Variants in NFATC4 observed in about 807,000 individuals in gnomAD.
NFATC4 encodes the protein nuclear factor of activated T cells 4.
In NFATC4, 25 loss-of-function variants were observed where a neutral mutation model predicts 73.4. The ratio of observed to expected loss-of-function variants is 0.34; its 90% CI spans 0.25 to 0.48. The LOEUF (loss-of-function observed/expected upper bound fraction) is 0.48. Among genes scored for constraint, NFATC4 ranks in the 20% least tolerant of loss-of-function variants. NFATC4 has a pLI of 0.99. For synonymous variants in NFATC4, 523 were observed against 510.3 expected (o/e 1.02, Z -0.34); for missense variants, 1,130 against 1,203.7 (o/e 0.94, Z 0.91).
chr14:24,373,701 C>T lies in NFATC4; in HGVS notation c.1566C>T (p.Asp522=). 6.2e-7 allele frequency: 1 copy of T among 1,606,822 alleles called. No individual in the cohort carries two copies. The highest frequency in any genetic ancestry group is 1.3e-5 in the African/African-American group (1 of 75,004). ...LPENNMAANI[D]CAGILKLRNS... Reference sequence around the variant, plus strand: ...ATCCATCCTTTGCCTCCAGCATTGACTGCGCGGGAATCCTGAAGCTTCGGA... The same window carrying T: ...ATCCATCCTTTGCCTCCAGCATTGATTGCGCGGGAATCCTGAAGCTTCGGA... Residue 522 remains aspartate (D), a synonymous_variant, in exon 5 of 10, where the codon GAC becomes GAT. Coordinates refer to ENST00000250373, the MANE Select transcript of NFATC4 (RefSeq NM_004554.5). This position sits in a 1 kb window ranked among gnomAD's most constrained non-coding sequence, Gnocchi z 4.7.
In NFATC4 at chr14:24,373,968, G is replaced by C; in HGVS notation, c.1732+101G>C. The C allele has an allele frequency of 6.7e-7, 1 of 1,500,972 alleles. No individual in the cohort carries two copies. Among genetic ancestry groups the C allele is most frequent in the Non-Finnish European group, 9.1e-7 (1 of 1,096,926 alleles). 93.0% of individuals were successfully genotyped at this position (1,500,972 alleles called of 1,614,324 possible). A position where few individuals can be genotyped will look rare whatever the true frequency, so the allele number is the denominator to read the frequency against. On this transcript the variant is annotated intron_variant, in intron 5 of 9. Coordinates refer to ENST00000250373, the MANE Select transcript of NFATC4 (RefSeq NM_004554.5). The surrounding 1 kb of genome is among the most constrained non-coding windows in gnomAD (Gnocchi z 4.7). ...TTCCCTCTGCAGCGTCCTGTGCCCTGTCTGTCCTGGGTAGCTCTATAGAGG... is the reference window on the plus strand; with the variant it reads ...TTCCCTCTGCAGCGTCCTGTGCCCTCTCTGTCCTGGGTAGCTCTATAGAGG...
rs2042539383 is a variant in NFATC4, at chr14:24,373,850, C to T, written c.1715C>T (p.Ser572Leu). The change falls in exon 5 of 10, where the codon TCG (serine) becomes TTG (leucine). Residue 572 changes from serine (S) to leucine (L), a missense_variant. Transcript: ENST00000250373. This position sits in a 1 kb window ranked among gnomAD's most constrained non-coding sequence, Gnocchi z 4.7. ...AAGGTCGTCTCAGTACAGGCAGCATCGGTGCCCATCGAGTGCTGTGAGCAA... is the reference window on the plus strand; with the variant it reads ...AAGGTCGTCTCAGTACAGGCAGCATTGGTGCCCATCGAGTGCTGTGAGCAA... ...GGKVVSVQAASVPIECSQRSA... is the reference protein window; with the variant it reads ...GGKVVSVQAALVPIECSQRSA... 1.2e-6 allele frequency: 2 copies of T among 1,614,036 alleles called. No homozygotes were observed. The highest frequency in any genetic ancestry group is 1.7e-6 in the Non-Finnish European group (2 of 1,180,030).
chr14:24,373,393 T>G lies in NFATC4; in HGVS notation c.1559+23T>G, dbSNP rs2042525416. Reference sequence around the variant, plus strand: ...CAAGTAAGTCCCATGCAACTTCCCCTCAGTCCGCAGGCTTTGTACTAGCTT... The same window carrying G: ...CAAGTAAGTCCCATGCAACTTCCCCGCAGTCCGCAGGCTTTGTACTAGCTT... On this transcript the variant is annotated intron_variant, in intron 4 of 9. Coordinates refer to ENST00000250373, the MANE Select transcript of NFATC4 (RefSeq NM_004554.5). The surrounding 1 kb of genome is among the most constrained non-coding windows in gnomAD (Gnocchi z 4.7). 6.2e-7 allele frequency: 1 copy of G among 1,612,486 alleles called. No individual in the cohort carries two copies.
At position 24,369,843 on chromosome 14, in the gene NFATC4, C is replaced by T. The variant is rs1436997054; in HGVS notation, c.445C>T (p.Pro149Ser). 1.9e-6 allele frequency: 3 copies of T among 1,607,004 alleles called. No individual in the cohort carries two copies. Among genetic ancestry groups the T allele is most frequent in the African/African-American group, 2.7e-5 (2 of 74,824 alleles). Reference protein sequence around the residue: ...GDGSPRDYPPPEGFGGYREAG... With the variant: ...GDGSPRDYPPSEGFGGYREAG... ...CGGCTCTCCTAGAGATTACCCCCCA[C>T]CAGAAGGCTTTGGGGGCTACAGAGA... Residue 149 changes from proline (P) to serine (S), a missense_variant, in exon 2 of 10, where the codon CCA becomes TCA. Around this residue, in one of 3 missense-constraint regions of NFATC4, gnomAD observed 585 missense variants for 574.3 expected, o/e 1.02. Coordinates refer to ENST00000250373, the MANE Select transcript of NFATC4 (RefSeq NM_004554.5).
intron 1 of NFATC4, chr14:24,368,984 A>C (rs940153235): frequency 2.7e-6 from 3 of 1,129,042 alleles, no homozygotes; most frequent in Admixed American, 4.1e-5. Flanking sequence ...AGCACGCATC[A>C]CCCCCTCGGC....
chr14:24,368,866 C>T (rs1007770094), intron 1 of NFATC4: 14 of 191,924 alleles, frequency 7.3e-5, no homozygotes, highest in Non-Finnish European at 1.4e-4. Flanking sequence ...CTCCCCCTCC[C>T]CCGTCTGGCC....
At chr14:24,368,862 C>T (rs889072777) in intron 1 of NFATC4, 14 of 189,726 alleles carry the variant, frequency 7.4e-5, no homozygotes, top group Non-Finnish European at 1.4e-4. Flanking sequence ...GCCCCTCCCC[C>T]TCCCCCGTCT....
intron 6 of NFATC4, chr14:24,374,802 C>G (rs2042568006): frequency 5.4e-6 from 1 of 185,920 alleles, no homozygotes; most frequent in Non-Finnish European, 1.1e-5. Context: ...CCGCTGGGCC[C>G]CTCTTGAGTT....
At chr14:24,368,731 A>G (rs1193744108) in intron 1 of NFATC4, among the ~76,000 whole-genome samples, 1 of 151,758 alleles carries the variant, frequency 6.6e-6, no homozygotes, top group Non-Finnish European at 1.5e-5. Context: ...CGGCCCCAAC[A>G]GCACCAGGCG....
upstream of NFATC4, chr14:24,367,979 GT>G (rs2042350720): frequency 9.7e-7 from 1 of 1,032,050 alleles, no homozygotes; most frequent in African/African-American, 2.0e-5. Context: ...TTGAAGGACC[GT>G]TTTCCAATTC....
upstream of NFATC4, chr14:24,366,967 G>T: frequency 5.7e-6 from 9 of 1,569,458 alleles, no homozygotes; most frequent in South Asian, 3.5e-5. Context: ...ATGGGGCGGC[G>T]TTGGGGGTGC....
chr14:24,373,109 G>T lies in NFATC4; in HGVS notation c.1360-62G>T. ...ATCCCATGGTAGACTGAAAATCTAG[G>T]GATGAATAAAGGATGAGACGGTGGG... On this transcript the variant is annotated intron_variant, in intron 3 of 9. Transcript: ENST00000250373. The surrounding 1 kb of genome is among the most constrained non-coding windows in gnomAD (Gnocchi z 4.7). 1 of 1,515,078 alleles carries T rather than the reference G, an allele frequency of 6.6e-7. No homozygotes were observed. 93.9% of individuals were successfully genotyped at this position (1,515,078 alleles called of 1,614,324 possible).
chr14:24,372,296 C>A, intron 2 of NFATC4, 145 bp from the exon 3 acceptor site: 1 of 861,004 alleles, frequency 1.2e-6, no homozygotes, highest in South Asian at 2.1e-5. Flanking sequence ...TTTTTCCCTT[C>A]TTTTCACAAG....
At chr14:24,374,221 G>C in intron 5 of NFATC4, 105 bp from the exon 6 acceptor site, 1 of 1,391,200 alleles carries the variant, frequency 7.2e-7, no homozygotes, top group East Asian at 2.4e-5. Context: ...GCTGAGGAGG[G>C]CTCCCTCAGA....
intron 2 of NFATC4, 98 bp downstream of exon 2, chr14:24,370,692 C>T (rs1050722465): frequency 6.8e-7 from 1 of 1,463,224 alleles, no homozygotes; most frequent in Non-Finnish European, 9.1e-7. Context: ...TTCATGCCCT[C>T]TGAATTTCAA....
rs748369415 is a variant in NFATC4, at chr14:24,369,457, C to T, written c.101-42C>T. 10 of 1,612,296 alleles carry T rather than the reference C, an allele frequency of 6.2e-6. No homozygotes were observed. The East Asian group carries it at 1.6e-4, about 25-fold the overall frequency. On this transcript the variant is annotated intron_variant, in intron 1 of 9. Transcript: ENST00000250373. Reference sequence around the variant, plus strand: ...GAACATAGCCATCTCACCTGCTTCTCTCTTTCCCCCTCTCCCTCTGCTCCT... The same window carrying T: ...GAACATAGCCATCTCACCTGCTTCTTTCTTTCCCCCTCTCCCTCTGCTCCT...
At chr14:24,367,506 C>T, upstream of NFATC4, 1 of 1,535,306 alleles carries the variant, frequency 6.5e-7, no homozygotes, top group Non-Finnish European at 8.7e-7. Flanking sequence ...AGGGACAGTT[C>T]TCAAAGCCTC....
chr14:24,368,419 G>C lies in NFATC4; in HGVS notation c.79G>C (p.Gly27Arg). 7.4e-7 allele frequency: 1 copy of C among 1,346,912 alleles called. No individual in the cohort carries two copies. The highest frequency in any genetic ancestry group is 4.0e-5 in the Admixed American group (1 of 24,886). 83.4% of individuals were successfully genotyped at this position (1,346,912 alleles called of 1,614,324 possible). ...GGAGGAAAAGGAGGCCCCCCCGCTG[G>C]GCGCGGGGGGATTGGGGGAAGGTTA... ...FGEEKEAPPL[G>R]AGGLGEELDS... Residue 27 changes from glycine (G) to arginine (R), a missense_variant, in exon 1 of 10, where the codon GGC (glycine) becomes CGC (arginine). This residue lies in a region of NFATC4 where 585 missense variants were observed against 574.3 expected (regional missense o/e 1.02). Coordinates refer to ENST00000250373, the MANE Select transcript of NFATC4 (RefSeq NM_004554.5).
rs1410252691 is a variant in NFATC4 at position 24,374,385 on chromosome 14, G to A, written c.1792G>A (p.Val598Met). The change falls in exon 6 of 10, where the codon GTG becomes ATG. Residue 598 changes from valine (V) to methionine (M), a missense_variant. By Grantham distance (21) the Val-to-Met change is conservative. Transcript: ENST00000250373. Reference protein sequence around the residue: ...VEAYSPSACSVRGGEELVLTG... With the variant: ...VEAYSPSACSMRGGEELVLTG... ...GGCCTACAGCCCCAGTGCCTGCTCT[G>A]TGAGAGGAGGCGAGGAACTGGTACT... 1 of 1,613,986 alleles carries A rather than the reference G, an allele frequency of 6.2e-7. No individual in the cohort carries two copies. Among genetic ancestry groups the A allele is most frequent in the East Asian group, 2.2e-5 (1 of 44,890 alleles).
Sources: allele counts gnomAD v4.1 joint callset (sites outside exome capture counted in the v4.1 genomes callset), GRCh38; gene constraint gnomAD v4.1.1; regional missense constraint gnomAD v4.1.1; non-coding constraint Gnocchi (gnomAD v3.1); transcripts MANE v1.5; gene names NCBI Gene and HGNC (gene_info 2026-07-23, HGNC 2026-07-21).